Variants in C1orf198 observed in about 807,000 individuals in gnomAD.
The protein encoded by C1orf198 is uncharacterized protein C1orf198.
In C1orf198, 17 loss-of-function variants were observed where a neutral mutation model predicts 31.4. That is an observed-to-expected ratio of 0.54 (90% CI 0.37 to 0.81). The LOEUF is 0.81. Ranked by LOEUF, C1orf198 falls within the 40% of genes least tolerant of loss-of-function variation. The pLI is 0.00. For missense variants in C1orf198, 401 were observed against 450.3 expected (o/e 0.89, Z 0.99); for synonymous variants, 175 against 193.8 (o/e 0.90, Z 0.81).
At chr1:230,867,783 A>G (rs545773856) in intron 1 of C1orf198, among the ~76,000 whole-genome samples, 6 of 152,266 alleles carry the variant, frequency 3.9e-5, no homozygotes, top group Non-Finnish European at 8.8e-5. Flanking sequence ...GGCTCTAAGA[A>G]GTTAATTGAC....
At chr1:230,866,750 C>T (rs61826310) in intron 1 of C1orf198, among the ~76,000 whole-genome samples, 21,006 of 152,202 alleles carry the variant, frequency 0.14, 1,526 homozygotes, top group South Asian at 0.2. Context: ...CAAATCTGGG[C>T]GCAAACACTG....
At chr1:230,845,848 T>C (rs922457195) in intron 2 of C1orf198, among the ~76,000 whole-genome samples, 2 of 152,240 alleles carry the variant, frequency 1.3e-5, no homozygotes, top group Non-Finnish European at 2.9e-5. Context: ...GTTATTTCTA[T>C]GTAACCATTT....
intron 2 of C1orf198, among the ~76,000 whole-genome samples, chr1:230,854,521 C>T (rs1252527594): frequency 6.6e-6 from 1 of 152,162 alleles, no homozygotes; most frequent in Non-Finnish European, 1.5e-5. Context: ...AACCCGTACC[C>T]GATCCCTAGG....
At chr1:230,856,080 T>C (rs367846620) in intron 1 of C1orf198, 2 of 815,528 alleles carry the variant, frequency 2.5e-6, no homozygotes, top group Non-Finnish European at 1.5e-6. Flanking sequence ...TGTGTGGCCA[T>C]GGGAAGATGA....
At chr1:230,847,102 CAAAAAAA>C (rs71179741) in intron 2 of C1orf198, among the ~76,000 whole-genome samples, 751 of 69,656 alleles carry the variant, frequency 0.011, 8 homozygotes, top group East Asian at 0.054. Context: ...GACTCCGTCT[CAAAAAAA>C]AAAAAAAAAA....
chr1:230,866,585 T>C (rs939057596), intron 1 of C1orf198, among the ~76,000 whole-genome samples: 1 of 152,194 alleles, frequency 6.6e-6, no homozygotes, highest in African/African-American at 2.4e-5. Context: ...CATGGGCTTT[T>C]TCATCATGAG....
intron 1 of C1orf198, among the ~76,000 whole-genome samples, chr1:230,860,601 G>C (rs1242023594): frequency 6.6e-6 from 1 of 152,182 alleles, no homozygotes; most frequent in African/African-American, 2.4e-5. Flanking sequence ...AGTGAACTAA[G>C]CCAGACACAA....
intron 1 of C1orf198, among the ~76,000 whole-genome samples, chr1:230,859,543 G>C (rs1669961935): frequency 6.6e-6 from 1 of 152,148 alleles, no homozygotes; most frequent in South Asian, 2.1e-4. Flanking sequence ...CTTCTTTGGA[G>C]TGCAGAACAG....
intron 2 of C1orf198, among the ~76,000 whole-genome samples, chr1:230,852,995 C>A (rs1386051017): frequency 6.6e-6 from 1 of 152,190 alleles, no homozygotes; most frequent in Non-Finnish European, 1.5e-5. Flanking sequence ...GATCTCTCCA[C>A]CTCTGTGTGA....
chr1:230,847,160 T>G (rs1572129841), intron 2 of C1orf198, among the ~76,000 whole-genome samples: 1 of 132,682 alleles, frequency 7.5e-6, no homozygotes, highest in African/African-American at 3.0e-5. Flanking sequence ...ATGCCTGTAA[T>G]CCCAGCCACT....
intron 1 of C1orf198, chr1:230,856,064 AT>A: frequency 1.1e-6 from 1 of 939,154 alleles, no homozygotes; most frequent in Non-Finnish European, 1.3e-6. Context: ...CTGAACAATG[AT>A]TAGCTGTGTG....
At chr1:230,842,443 G>C in intron 3 of C1orf198, among the ~76,000 whole-genome samples, 1 of 152,148 alleles carries the variant, frequency 6.6e-6, no homozygotes, top group Non-Finnish European at 1.5e-5. Flanking sequence ...CATCTGCAGC[G>C]ACCTGGATGT....
chr1:230,861,855 A>T (rs764882982), intron 1 of C1orf198, among the ~76,000 whole-genome samples: 3 of 152,210 alleles, frequency 2.0e-5, no homozygotes, highest in Non-Finnish European at 4.4e-5. Context: ...GGATCTTGGA[A>T]CACGGCAACA....
rs74994626 is a variant in C1orf198 at position 230,848,708 on chromosome 1, C to T, written c.385-4812G>A. 2.7e-3 allele frequency among the ~76,000 whole-genome samples: 406 copies of T among 152,286 alleles called. 9 individuals carry two copies. In the East Asian group the frequency reaches 0.063, roughly 24 times the overall value. ...AAAAAAACCTGCCCTTGTCCATCAC[C>T]CTGCTGGGTGCTAGGCCTCTTCCCC... On this transcript the variant is annotated intron_variant, in intron 2 of 3. Coordinates refer to ENST00000366663, the MANE Select transcript of C1orf198 (RefSeq NM_032800.3).
rs1669405245 is a variant in C1orf198 at position 230,840,235 on chromosome 1, T to C, written c.928-327A>G. Among the ~76,000 whole-genome samples the C allele has an allele frequency of 6.6e-6, 1 of 152,224 alleles. No homozygotes were observed. Among genetic ancestry groups the C allele is most frequent in the South Asian group, 2.1e-4 (1 of 4,834 alleles). Reference sequence around the variant, plus strand: ...TTTCTGAATGACAGCCATGTTTAAATTTATTCATCCTAAATAAGAGAACAA... The same window carrying C: ...TTTCTGAATGACAGCCATGTTTAAACTTATTCATCCTAAATAAGAGAACAA... On this transcript the variant is annotated intron_variant, in intron 3 of 3. Coordinates refer to ENST00000366663, the MANE Select transcript of C1orf198 (RefSeq NM_032800.3). The surrounding 1 kb of genome is among the most constrained non-coding windows in gnomAD (Gnocchi z 4.0).
intron 1 of C1orf198, among the ~76,000 whole-genome samples, chr1:230,860,496 G>T (rs1669981639): frequency 6.6e-6 from 1 of 152,016 alleles, no homozygotes; most frequent in African/African-American, 2.4e-5. Flanking sequence ...AACAAAATGT[G>T]GTCTATCCAT....
chr1:230,868,062 C>G, intron 1 of C1orf198, 118 bp downstream of exon 1: 1 of 970,264 alleles, frequency 1.0e-6, no homozygotes, highest in African/African-American at 1.7e-5. Flanking sequence ...GCCATTCCTG[C>G]CTTTTCTTTT....
chr1:230,864,994 C>T (rs752705255), intron 1 of C1orf198, among the ~76,000 whole-genome samples: 7 of 152,196 alleles, frequency 4.6e-5, no homozygotes, highest in Non-Finnish European at 7.3e-5. Flanking sequence ...GGAGGAAGAA[C>T]GTGGCAATCA....
chr1:230,846,044 T>C (rs1000736577), intron 2 of C1orf198, among the ~76,000 whole-genome samples: 2 of 152,236 alleles, frequency 1.3e-5, no homozygotes, highest in Non-Finnish European at 2.9e-5. Context: ...TAACAGACAA[T>C]TTGCTATTTC....
Sources: gnomAD v4.1 joint callset for allele counts (sites outside exome capture counted in the v4.1 genomes callset) on GRCh38, gnomAD v4.1.1 for gene constraint, Gnocchi (gnomAD v3.1) non-coding constraint, MANE v1.5 for transcripts, NCBI Gene and HGNC (gene_info 2026-07-23, HGNC 2026-07-21) for gene names.